The following MATN3 variants were observed in gnomAD, a reference collection of about 807,000 sequenced individuals.
The protein encoded by MATN3 is matrilin-3.
A neutral mutation model predicts 45.3 loss-of-function variants in MATN3; 48 were observed. The ratio of observed to expected loss-of-function variants is 1.06; its 90% confidence interval spans 0.84 to 1.35. MATN3 has a LOEUF of 1.35. MATN3 is among the 40% of genes most tolerant of loss of function. The pLI, the probability that MATN3 is intolerant of heterozygous loss-of-function variation, is 0.00. For synonymous variants in MATN3, 217 were observed against 245.9 expected, an observed-to-expected ratio of 0.88 and a Z score of 1.10; for missense variants, 599 against 628.0, an observed-to-expected ratio of 0.95 and a Z score of 0.49.
chr2:20,007,309 A>C (rs1673127025), intron 1 of MATN3, among the ~76,000 whole-genome samples: 1 of 152,116 alleles, frequency 6.6e-6, no homozygotes, highest in African/African-American at 2.4e-5. Flanking sequence ...CGGGAGGATC[A>C]CCTGAGGTCA....
At chr2:19,998,262 AT>A (rs572330207) in intron 5 of MATN3, among the ~76,000 whole-genome samples, 69 of 151,616 alleles carry the variant, frequency 4.6e-4, no homozygotes, top group Non-Finnish European at 4.7e-4. Context: ...AGGGTGTTTC[AT>A]TTTTTTCCCC....
chr2:20,009,316 C>T (rs1572387471), intron 1 of MATN3, among the ~76,000 whole-genome samples: 1 of 149,098 alleles, frequency 6.7e-6, no homozygotes, highest in South Asian at 2.2e-4. Flanking sequence ...AGAATGAGTC[C>T]ATGTCCTTTG....
intron 6 of MATN3, 112 bp downstream of exon 6, chr2:19,997,022 A>G: frequency 1.7e-6 from 2 of 1,151,714 alleles, no homozygotes; most frequent in South Asian, 2.8e-5. Flanking sequence ...GAGCCACTGG[A>G]GAATTCTGAC....
At chr2:20,001,018 TA>T (rs1258152022) in intron 4 of MATN3, among the ~76,000 whole-genome samples, 1 of 152,206 alleles carries the variant, frequency 6.6e-6, no homozygotes, top group Non-Finnish European at 1.5e-5. Flanking sequence ...CAGAGCAGCA[TA>T]AAAACTCAAG....
chr2:20,002,141 G>T, intron 3 of MATN3, 61 bp from the exon 4 acceptor site: 1 of 1,372,336 alleles, frequency 7.3e-7, no homozygotes, highest in Non-Finnish European at 1.0e-6. Context: ...AATAATTGTG[G>T]GCCACGCCAC....
chr2:20,006,146 T>C lies in MATN3; in HGVS notation c.388A>G (p.Thr130Ala). The part of the protein sequence containing the change: ...TRVAVVNYAS[T>A]VKIEFQLQAY... ...TGGAGTTGGAACTCGATCTTCACAG[T>C]GCTAGCATAGTTCACCACTGCCACC... Residue 130 changes from threonine (T) to alanine (A), a missense_variant, in exon 2 of 8, where the codon ACT becomes GCT. Thr to Ala is a moderately conservative substitution (Grantham distance 58, BLOSUM62 0). Transcript: ENST00000407540. 2 of 1,613,968 alleles carry C rather than the reference T, an allele frequency of 1.2e-6. No homozygotes were observed. The highest frequency in any genetic ancestry group is 1.7e-6 in the Non-Finnish European group (2 of 1,179,876).
chr2:20,003,218 G>A lies in MATN3; in HGVS notation c.859C>T (p.His287Tyr). ...TATCCTTGGCTACACTCACAGTGGTGCTTGCCTTCCCCATCACTGATGCAG... is the reference window on the plus strand; with the variant it reads ...TATCCTTGGCTACACTCACAGTGGTACTTGCCTTCCCCATCACTGATGCAG... ...HVCISDGEGK[H>Y]HCECSQGYTL... is the part of the protein sequence containing the mutation. Residue 287 changes from histidine to tyrosine, a missense_variant, in exon 3 of 8, where the codon CAC becomes TAC. Physicochemically the swap from His to Tyr is moderately conservative, Grantham distance 83. Coordinates refer to ENST00000407540, the MANE Select transcript of MATN3 (RefSeq NM_002381.5). The A allele has an allele frequency of 6.2e-7, 1 of 1,613,984 alleles. No individual in the cohort carries two copies. Among genetic ancestry groups the A allele is most frequent in the Admixed American group, 1.7e-5 (1 of 60,022 alleles).
In MATN3 at chr2:19,995,237, G is replaced by A. The variant is rs1672843472; in HGVS notation, c.1295-828C>T. Among the ~76,000 whole-genome samples the A allele has an allele frequency of 6.6e-6, 1 of 152,198 alleles. No individual in the cohort carries two copies. The highest frequency in any genetic ancestry group is 2.4e-5 in the African/African-American group (1 of 41,462). On this transcript the variant is annotated intron_variant, in intron 6 of 7. Transcript: ENST00000407540. This position sits in a 1 kb window ranked among gnomAD's most constrained non-coding sequence, Gnocchi z 4.2. ...GGAGGCCAAGGTGGGTGGAACGCTT[G>A]AAGTCAGGAGTTCAAGACCAGCCTG...
intron 1 of MATN3, among the ~76,000 whole-genome samples, chr2:20,009,977 A>G (rs1379620846): frequency 1.3e-5 from 2 of 149,116 alleles, no homozygotes; most frequent in East Asian, 2.0e-4. Context: ...CACCCTGACC[A>G]TCTTGAGCAC....
chr2:20,000,947 T>C (rs947752791), intron 4 of MATN3, among the ~76,000 whole-genome samples: 1 of 152,202 alleles, frequency 6.6e-6, no homozygotes, highest in Admixed American at 6.5e-5. Context: ...GAAGAAATTG[T>C]AGTTCAACCC....
Position 19,995,221 on chromosome 2 carries a change from G to A in MATN3, c.1295-812C>T, listed in dbSNP as rs527424089. ...TAATCCCAGGACTTTGGGAGGCCAA[G>A]GTGGGTGGAACGCTTGAAGTCAGGA... is the stretch of plus-strand genomic sequence containing the variant. On this transcript the variant is annotated intron_variant, in intron 6 of 7. Transcript: ENST00000407540. The surrounding 1 kb of genome is among the most constrained non-coding windows in gnomAD (Gnocchi z 4.2). Among the ~76,000 whole-genome samples, 2 of 152,342 alleles carry A rather than the reference G, an allele frequency of 1.3e-5. No individual in the cohort carries two copies. The highest frequency in any genetic ancestry group is 2.4e-5 in the African/African-American group (1 of 41,588).
In MATN3 at chr2:19,993,161, C is replaced by G; in HGVS notation, c.1411G>C (p.Asp471His). Reference sequence around the variant, plus strand: ...TTTATTTTCAACTTCTCCAAAATGTCATCAAGTGGCAAGTTGTTAAGGCCA... The same window carrying G: ...TTTATTTTCAACTTCTCCAAAATGTGATCAAGTGGCAAGTTGTTAAGGCCA... ...YLQRLNTKLDDILEKLKINEY... is the reference protein window; with the variant it reads ...YLQRLNTKLDHILEKLKINEY... Residue 471 changes from aspartate (D) to histidine (H), a missense_variant, in exon 8 of 8, where the codon GAC becomes CAC. By Grantham distance (81) the Asp-to-His change is moderately conservative. Transcript: ENST00000407540. The G allele has an allele frequency of 6.2e-7, 1 of 1,611,076 alleles. No homozygotes were observed. The highest frequency in any genetic ancestry group is 8.5e-7 in the Non-Finnish European group (1 of 1,177,730).
chr2:19,996,254 A>G (rs1672863368), intron 6 of MATN3, among the ~76,000 whole-genome samples: 1 of 152,216 alleles, frequency 6.6e-6, no homozygotes, highest in African/African-American at 2.4e-5. Context: ...GAAGGAATAA[A>G]ATAGTTAGGA....
At chr2:20,009,232 CAA>C (rs558125406) in intron 1 of MATN3, among the ~76,000 whole-genome samples, 30 of 54,902 alleles carry the variant, frequency 5.5e-4, no homozygotes, top group Non-Finnish European at 5.9e-4. Flanking sequence ...CTCTAAAAGC[CAA>C]AAAAAAAAAA....
At chr2:19,996,385 G>T (rs1672868526) in intron 6 of MATN3, among the ~76,000 whole-genome samples, 1 of 152,090 alleles carries the variant, frequency 6.6e-6, no homozygotes, top group African/African-American at 2.4e-5. Flanking sequence ...CCATGTTAAT[G>T]CAATGAAAGA....
intron 2 of MATN3, 60 bp downstream of exon 2, chr2:20,005,684 G>A: frequency 5.4e-6 from 7 of 1,297,216 alleles, no homozygotes; most frequent in Non-Finnish European, 7.4e-6. Flanking sequence ...CTTTTCTCTG[G>A]GTACACAATG....
In MATN3 at chr2:20,012,406, T is replaced by TACCTGC; in HGVS notation, c.220_223+2dup. On this transcript the variant is annotated splice_region_variant and intron_variant, in intron 1 of 7. Transcript: ENST00000407540. The surrounding 1 kb of genome is among the most constrained non-coding windows in gnomAD (Gnocchi z 4.3). ...ACGCGTCCCTCCCGCCGCCCGCCTGTACCTGCACCGCGGGCGCGGCCAGGC... is the reference window on the plus strand; with the variant it reads ...ACGCGTCCCTCCCGCCGCCCGCCTGTACCTGCACCTGCACCGCGGGCGCGGCCAGGC... The TACCTGC allele has an allele frequency of 8.1e-7, 1 of 1,228,268 alleles. No homozygotes were observed. The highest frequency in any genetic ancestry group is 1.0e-6 in the Non-Finnish European group (1 of 985,770). The allele number at this position is 1,228,268 out of a possible 1,614,324, so 76.1% of individuals were successfully genotyped here.
rs2103482689 is a variant in MATN3 at position 20,003,217 on chromosome 2, T to C, written c.860A>G (p.His287Arg). The change falls in exon 3 of 8, where the codon CAC becomes CGC. Residue 287 changes from histidine (H) to arginine (R), a missense_variant. His to Arg is a conservative substitution (Grantham distance 29). Coordinates refer to ENST00000407540, the MANE Select transcript of MATN3 (RefSeq NM_002381.5). Reference protein sequence around the residue: ...HVCISDGEGKHHCECSQGYTL... With the variant: ...HVCISDGEGKRHCECSQGYTL... ...GTATCCTTGGCTACACTCACAGTGG[T>C]GCTTGCCTTCCCCATCACTGATGCA... is the stretch of plus-strand genomic sequence containing the variant. 6.2e-7 allele frequency: 1 copy of C among 1,613,998 alleles called. No homozygotes were observed. Among genetic ancestry groups the C allele is most frequent in the South Asian group, 1.1e-5 (1 of 91,084 alleles).
At chr2:19,994,176 C>A in intron 7 of MATN3, 123 bp downstream of exon 7, 1 of 630,270 alleles carries the variant, frequency 1.6e-6, no homozygotes, top group Non-Finnish European at 2.9e-6. Flanking sequence ...TGTATATTAC[C>A]ACTGCTCATA....
Sources: gnomAD v4.1 joint callset for allele counts (sites outside exome capture counted in the v4.1 genomes callset) on GRCh38, gnomAD v4.1.1 for gene constraint, Gnocchi (gnomAD v3.1) non-coding constraint, MANE v1.5 for transcripts, NCBI Gene and HGNC (gene_info 2026-07-23, HGNC 2026-07-21) for gene names.